Variants in NOX4 observed in about 807,000 individuals in gnomAD.
The protein encoded by NOX4 is NADPH oxidase 4.
NOX4 carries 69 observed loss-of-function variants against 87.6 expected under a neutral mutation model. That is an observed-to-expected ratio of 0.79 (90% confidence interval 0.65 to 0.96). NOX4 has a LOEUF of 0.96. Ranked by LOEUF, NOX4 falls within the 40% of genes least tolerant of loss-of-function variation. The pLI is 0.00. For synonymous variants in NOX4, 275 were observed against 238.2 expected (o/e 1.15, Z -1.42); for missense variants, 680 against 681.5 (o/e 1.00, Z 0.02).
At chr11:89,443,044 G>A (rs974144371) in intron 5 of NOX4, among the ~76,000 whole-genome samples, 14 of 152,070 alleles carry the variant, frequency 9.2e-5, no homozygotes, top group East Asian at 3.9e-4. Flanking sequence ...GCTAAGGAGC[G>A]GGAATTTTTC....
chr11:89,440,094 C>A (rs954557126), intron 6 of NOX4, among the ~76,000 whole-genome samples: 1 of 152,054 alleles, frequency 6.6e-6, no homozygotes, highest in African/African-American at 2.4e-5. Flanking sequence ...AATAAGAATG[C>A]GGTTGCATTG....
the NOX4 span, among the ~76,000 whole-genome samples, chr11:89,531,931 C>G: frequency 6.6e-6 from 1 of 152,222 alleles, no homozygotes; most frequent in African/African-American, 2.4e-5. Flanking sequence ...CAGGCCATTG[C>G]TTCAGAGAGT....
At chr11:89,531,615 G>A in the NOX4 span, among the ~76,000 whole-genome samples, 1 of 152,214 alleles carries the variant, frequency 6.6e-6, no homozygotes, top group African/African-American at 2.4e-5. Context: ...CTGTTCTCAT[G>A]ACAGTGAGTG....
At chr11:89,514,099 T>C in the NOX4 span, among the ~76,000 whole-genome samples, 2 of 152,090 alleles carry the variant, frequency 1.3e-5, no homozygotes, top group Non-Finnish European at 1.5e-5. Flanking sequence ...ACAGAGAATA[T>C]TGTCATTTTA....
intron 8 of NOX4, among the ~76,000 whole-genome samples, chr11:89,419,942 A>ATTTTTATTT (rs1441013994): frequency 6.6e-6 from 1 of 152,030 alleles, no homozygotes; most frequent in Non-Finnish European, 1.5e-5. Context: ...AAATGATTGC[A>ATTTTTATTT]TTTTTATTTT....
the NOX4 span, among the ~76,000 whole-genome samples, chr11:89,586,237 C>T: frequency 6.6e-6 from 1 of 152,120 alleles, no homozygotes; most frequent in Non-Finnish European, 1.5e-5. Flanking sequence ...CATTCTATTT[C>T]ATCTGTCTCT....
At chr11:89,477,814 T>A (rs1946230142) in intron 2 of NOX4, among the ~76,000 whole-genome samples, 1 of 152,134 alleles carries the variant, frequency 6.6e-6, no homozygotes, top group African/African-American at 2.4e-5. Flanking sequence ...AGCTAAAATG[T>A]GGAAACCACA....
chr11:89,525,231 C>T, the NOX4 span, among the ~76,000 whole-genome samples: 1 of 151,990 alleles, frequency 6.6e-6, no homozygotes, highest in African/African-American at 2.4e-5. Flanking sequence ...TGTGGAATAG[C>T]TGCCTAGATG....
upstream of NOX4, among the ~76,000 whole-genome samples, chr11:89,500,314 T>G (rs1237847814): frequency 6.6e-6 from 1 of 152,152 alleles, no homozygotes; most frequent in Non-Finnish European, 1.5e-5. Context: ...AGCATTATGC[T>G]TCCTGTGGTC....
the NOX4 span, among the ~76,000 whole-genome samples, chr11:89,572,445 T>C: frequency 9.2e-5 from 14 of 152,378 alleles, no homozygotes; most frequent in Admixed American, 2.0e-4. Flanking sequence ...TGAATATACA[T>C]TATGACTAGT....
At chr11:89,351,501 A>G (rs1946454584) in intron 13 of NOX4, among the ~76,000 whole-genome samples, 2 of 152,214 alleles carry the variant, frequency 1.3e-5, no homozygotes, top group South Asian at 4.1e-4. Context: ...GACGCCATCT[A>G]CGGTATTCAC....
intron 13 of NOX4, among the ~76,000 whole-genome samples, chr11:89,345,048 T>C (rs757696263): frequency 1.4e-4 from 21 of 152,122 alleles, no homozygotes; most frequent in Non-Finnish European, 1.0e-4. Flanking sequence ...CAGGAGATAA[T>C]CATATCAATA....
At chr11:89,466,068 T>A (rs1338469509) in intron 2 of NOX4, among the ~76,000 whole-genome samples, 1 of 152,148 alleles carries the variant, frequency 6.6e-6, no homozygotes, top group Non-Finnish European at 1.5e-5. Flanking sequence ...AAGGCAGCCA[T>A]CTGTCAACAA....
the NOX4 span, among the ~76,000 whole-genome samples, chr11:89,578,636 C>T: frequency 1.3e-5 from 2 of 152,094 alleles, no homozygotes; most frequent in East Asian, 3.9e-4. Context: ...AACTTTCTGA[C>T]TCCAAGGTGA....
At chr11:89,391,994 C>A (rs1187851190) in intron 11 of NOX4, among the ~76,000 whole-genome samples, 1 of 149,370 alleles carries the variant, frequency 6.7e-6, no homozygotes, top group East Asian at 2.0e-4. Flanking sequence ...TCCTTCCTTC[C>A]TCCTGTGCCC....
At chr11:89,589,207 G>T in the NOX4 span, among the ~76,000 whole-genome samples, 1 of 152,106 alleles carries the variant, frequency 6.6e-6, no homozygotes, top group Non-Finnish European at 1.5e-5. Flanking sequence ...GGAGCATTTT[G>T]CTTTGATCTT....
upstream of NOX4, chr11:89,498,249 AG>A (rs1222061595): frequency 2.6e-5 from 4 of 152,228 alleles, no homozygotes; most frequent in African/African-American, 9.6e-5. Flanking sequence ...TTATAGGCAC[AG>A]CACAGAAGAT....
Position 89,497,934 on chromosome 11 carries a change from A to G in NOX4, c.-115+63T>C, listed in dbSNP as rs553855514. The G allele has an allele frequency of 3.3e-5, 5 of 152,304 alleles. No homozygotes were observed. The East Asian group carries it at 9.6e-4, about 29-fold the overall frequency. The allele number at this position is 152,304 out of a possible 1,614,324, so 9.4% of individuals were successfully genotyped here. On this transcript the variant is annotated intron_variant, in intron 1 of 18. Coordinates refer to the NOX4 transcript ENST00000527956. ...CTTTAATTCTTTCTATTTCCCAAAC[A>G]TATCCTGTTTTCTCACATTTCCATT...
intron 4 of NOX4, among the ~76,000 whole-genome samples, chr11:89,446,348 A>G (rs779388798): frequency 6.6e-6 from 1 of 152,058 alleles, no homozygotes; most frequent in Non-Finnish European, 1.5e-5. Flanking sequence ...ATGATCTCGC[A>G]CTCATACTCT....
Sources: gnomAD v4.1 joint callset for allele counts (sites outside exome capture counted in the v4.1 genomes callset) on GRCh38, gnomAD v4.1.1 for gene constraint, MANE v1.5 for transcripts, NCBI Gene and HGNC (gene_info 2026-07-23, HGNC 2026-07-21) for gene names.